ITGA8: variants seen among roughly 807,000 people sequenced by gnomAD.
The protein encoded by ITGA8 is integrin alpha-8.
A neutral mutation model predicts 142.3 loss-of-function variants in ITGA8; 91 were observed. The observed-to-expected ratio is 0.64, with a 90% CI of 0.54 to 0.76. The LOEUF (loss-of-function observed/expected upper bound fraction) is 0.76, where lower values mean the gene tolerates loss of function less well. Ranked by LOEUF, ITGA8 falls within the 30% of genes least tolerant of loss-of-function variation. The probability of loss-of-function intolerance (pLI) is 0.00; values close to 1 mark genes in which losing one functional copy is unlikely to be tolerated. For synonymous variants in ITGA8, 505 were observed against 485.2 expected (o/e 1.04, Z -0.54); for missense variants, 1,406 against 1,327.7 (o/e 1.06, Z -0.92).
At chr10:15,705,806 T>C (rs1179750928) in intron 2 of ITGA8, among the ~76,000 whole-genome samples, 1 of 152,198 alleles carries the variant, frequency 6.6e-6, no homozygotes, top group Non-Finnish European at 1.5e-5. Flanking sequence ...CTCACAAGAC[T>C]TTCTTTATTG....
chr10:15,570,185 C>G (rs190727309), intron 25 of ITGA8, among the ~76,000 whole-genome samples: 5 of 152,240 alleles, frequency 3.3e-5, no homozygotes, highest in Admixed American at 6.5e-5. Flanking sequence ...GGAGATATTA[C>G]TTTATATTGT....
intron 13 of ITGA8, among the ~76,000 whole-genome samples, chr10:15,624,323 T>C (rs932807525): frequency 6.6e-6 from 1 of 152,206 alleles, no homozygotes; most frequent in African/African-American, 2.4e-5. Context: ...CTAAATGACA[T>C]TGAACAAGTC....
At position 15,579,727 on chromosome 10, in the gene ITGA8, C is replaced by T. The variant is rs546346135; in HGVS notation, c.2373-4133G>A. Among the ~76,000 whole-genome samples the T allele has an allele frequency of 3.6e-4, 54 of 151,894 alleles. 1 individual carries two copies. The Middle Eastern group carries it at 0.01, about 29-fold the overall frequency. On this transcript the variant is annotated intron_variant, in intron 23 of 29. Coordinates refer to ENST00000378076, the MANE Select transcript of ITGA8 (RefSeq NM_003638.3). ...TTAGAAGTCAACAAAAATAAAACATCGAGATTAGCTCCAAATATCTGTAAA... is the reference window on the plus strand; with the variant it reads ...TTAGAAGTCAACAAAAATAAAACATTGAGATTAGCTCCAAATATCTGTAAA...
At chr10:15,657,853 A>C (rs1177190706) in intron 10 of ITGA8, among the ~76,000 whole-genome samples, 3 of 152,218 alleles carry the variant, frequency 2.0e-5, no homozygotes, top group Non-Finnish European at 2.9e-5. Flanking sequence ...TACAAACACA[A>C]GGAATTCATT....
chr10:15,654,096 A>G (rs1010060810), intron 11 of ITGA8, among the ~76,000 whole-genome samples: 1 of 152,138 alleles, frequency 6.6e-6, no homozygotes, highest in African/African-American at 2.4e-5. Context: ...TCAGCCTCCC[A>G]AAGTGCTGGG....
At chr10:15,605,878 C>T (rs150744736) in intron 18 of ITGA8, 87 bp from the exon 19 acceptor site, 141 of 1,201,312 alleles carry the variant, frequency 1.2e-4, no homozygotes, top group African/African-American at 2.4e-4. Context: ...GTGCCACAAA[C>T]GGAACCAGAG....
intron 15 of ITGA8, among the ~76,000 whole-genome samples, chr10:15,610,171 A>C (rs10737005): frequency 0.75 from 113,554 of 152,058 alleles, 42,747 homozygotes; most frequent in South Asian, 0.88. Flanking sequence ...CCTGCCAGTT[A>C]ATAGATTACT....
At chr10:15,604,894 G>A (rs185093199) in intron 19 of ITGA8, among the ~76,000 whole-genome samples, 1 of 152,242 alleles carries the variant, frequency 6.6e-6, no homozygotes, top group East Asian at 1.9e-4. Flanking sequence ...TAAATCACTG[G>A]TAGAGGACTT....
chr10:15,550,509 C>T (rs1052974087), intron 26 of ITGA8, among the ~76,000 whole-genome samples: 7 of 152,124 alleles, frequency 4.6e-5, no homozygotes, highest in African/African-American at 1.7e-4. Context: ...ACCCAGATAG[C>T]CAGCTCTGCT....
chr10:15,621,014 A>T (rs1833481201), intron 13 of ITGA8, among the ~76,000 whole-genome samples: 1 of 152,238 alleles, frequency 6.6e-6, no homozygotes, highest in Non-Finnish European at 1.5e-5. Context: ...ATTTGAATTT[A>T]TAACACTTGG....
chr10:15,568,783 G>A (rs1453200245), intron 25 of ITGA8, among the ~76,000 whole-genome samples: 2 of 152,094 alleles, frequency 1.3e-5, no homozygotes, highest in African/African-American at 4.8e-5. Flanking sequence ...ACAATGTCCA[G>A]GACTGCTGCC....
At chr10:15,688,755 T>A (rs1265130880) in intron 2 of ITGA8, among the ~76,000 whole-genome samples, 3 of 152,170 alleles carry the variant, frequency 2.0e-5, no homozygotes, top group Non-Finnish European at 4.4e-5. Flanking sequence ...AACCATATGA[T>A]CATCTTAATA....
intron 27 of ITGA8, among the ~76,000 whole-genome samples, chr10:15,535,458 T>A (rs1833410185): frequency 6.6e-6 from 1 of 152,088 alleles, no homozygotes; most frequent in Non-Finnish European, 1.5e-5. Flanking sequence ...AATACACCAA[T>A]CGGCACTGTG....
intron 27 of ITGA8, among the ~76,000 whole-genome samples, chr10:15,545,830 AT>A (rs1423398516): frequency 2.0e-5 from 3 of 152,026 alleles, no homozygotes; most frequent in Non-Finnish European, 4.4e-5. Flanking sequence ...GTATTAATTT[AT>A]TTATTTACTT....
chr10:15,658,626 C>T (rs111551590), intron 10 of ITGA8, among the ~76,000 whole-genome samples: 225 of 152,314 alleles, frequency 1.5e-3, no homozygotes, highest in Non-Finnish European at 2.4e-3. Flanking sequence ...CACATCTCAG[C>T]CCAGACATTG....
intron 2 of ITGA8, among the ~76,000 whole-genome samples, chr10:15,710,743 A>G (rs570758092): frequency 5.3e-4 from 81 of 152,302 alleles, no homozygotes; most frequent in African/African-American, 1.9e-3. Context: ...GGCTCTGACA[A>G]CTGAGACAAC....
chr10:15,622,156 C>CAAACA (rs577945807), intron 13 of ITGA8, among the ~76,000 whole-genome samples: 10 of 152,092 alleles, frequency 6.6e-5, no homozygotes, highest in African/African-American at 1.9e-4. Flanking sequence ...GACTCCATCT[C>CAAACA]AAACAAAACA....
chr10:15,528,949 C>T (rs1318181850), intron 28 of ITGA8, among the ~76,000 whole-genome samples: 2 of 151,314 alleles, frequency 1.3e-5, no homozygotes, highest in Non-Finnish European at 2.9e-5. Context: ...CTTCTCCCTT[C>T]CTTCCTTCCT....
intron 13 of ITGA8, among the ~76,000 whole-genome samples, chr10:15,626,135 A>G (rs1490656261): frequency 2.0e-5 from 3 of 152,152 alleles, no homozygotes; most frequent in Admixed American, 6.5e-5. Context: ...ACCTGGTCCA[A>G]CCAATCTTTG....
Sources: gnomAD v4.1 joint callset for allele counts (sites outside exome capture counted in the v4.1 genomes callset) on GRCh38, gnomAD v4.1.1 for gene constraint, MANE v1.5 for transcripts, NCBI Gene and HGNC (gene_info 2026-07-23, HGNC 2026-07-21) for gene names.